The following TENM4 variants were observed in gnomAD, a reference collection of about 807,000 sequenced individuals.
TENM4 encodes teneurin transmembrane protein 4.
TENM4 carries 82 observed loss-of-function variants against 243.3 expected under a neutral mutation model. The ratio of observed to expected loss-of-function variants is 0.34; its 90% CI spans 0.28 to 0.40. The LOEUF (loss-of-function observed/expected upper bound fraction) is 0.40. Among genes scored for constraint, TENM4 ranks in the 10% least tolerant of loss-of-function variants. The probability of loss-of-function intolerance (pLI) is 1.00; values close to 1 mark genes in which losing one functional copy is unlikely to be tolerated. For missense variants in TENM4, 3,138 were observed against 3,673.3 expected (o/e 0.85, Z 3.77); for synonymous variants, 1,412 against 1,456.3 (o/e 0.97, Z 0.69).
intron 6 of TENM4, among the ~76,000 whole-genome samples, chr11:78,904,377 T>TAAAAAAAAAAAAAAAAAAAAAAA (rs1333665292): frequency 8.0e-5 from 8 of 100,178 alleles, no homozygotes; most frequent in African/African-American, 4.1e-4. Context: ...AAAAAAAAAG[T>TAAAAAAAAAAAAAAAAAAAAAAA]AAAACATAGA....
intron 33 of TENM4, 150 bp from the exon 34 acceptor site, chr11:78,658,966 G>A: frequency 1.1e-6 from 1 of 888,948 alleles, no homozygotes; most frequent in Non-Finnish European, 1.7e-6. Context: ...GAACATCCAG[G>A]TGGTCGCCAG....
At chr11:78,797,873 T>C (rs545061410) in intron 15 of TENM4, among the ~76,000 whole-genome samples, 2 of 152,316 alleles carry the variant, frequency 1.3e-5, no homozygotes, top group Admixed American at 6.5e-5. Context: ...TAACCTTGAG[T>C]TTCCCCTCCT....
At chr11:78,856,733 G>T (rs1858689673) in intron 10 of TENM4, among the ~76,000 whole-genome samples, 1 of 152,090 alleles carries the variant, frequency 6.6e-6, no homozygotes, top group South Asian at 2.1e-4. Flanking sequence ...GCTTAGGGCA[G>T]GGTTAGGGGC....
intron 9 of TENM4, among the ~76,000 whole-genome samples, chr11:78,863,925 T>C (rs1305371472): frequency 6.6e-6 from 1 of 152,214 alleles, no homozygotes; most frequent in East Asian, 1.9e-4. Context: ...TAGCAAAATA[T>C]TAGAAACCAG....
At chr11:79,264,962 C>T (rs1379966291) in intron 2 of TENM4, among the ~76,000 whole-genome samples, 1 of 152,210 alleles carries the variant, frequency 6.6e-6, no homozygotes, top group Non-Finnish European at 1.5e-5. Flanking sequence ...AGAGGGTCTG[C>T]AGGCAACCTA....
intron 4 of TENM4, chr11:79,098,109 A>T (rs1051846872): frequency 6.6e-6 from 1 of 152,190 alleles, no homozygotes; most frequent in African/African-American, 2.4e-5. Context: ...GATTATTCTC[A>T]ACTCACCAGA....
intron 2 of TENM4, among the ~76,000 whole-genome samples, chr11:79,219,623 T>C (rs1864120219): frequency 6.6e-6 from 1 of 152,200 alleles, no homozygotes; most frequent in East Asian, 1.9e-4. Flanking sequence ...AATCCCCTAG[T>C]GAGGAAGCAA....
In TENM4 at chr11:78,864,421, G is replaced by A. The variant is rs1447218134; in HGVS notation, c.1085-1289C>T. Among the ~76,000 whole-genome samples, 11 of 100,326 alleles carry A rather than the reference G, an allele frequency of 1.1e-4. No individual in the cohort carries two copies. The Admixed American group carries it at 1.2e-3, about 11-fold the overall frequency. 65.8% of individuals were successfully genotyped at this position (100,326 alleles called of 152,430 possible). On this transcript the variant is annotated intron_variant, in intron 9 of 33. Transcript: ENST00000278550. ...TGCACTCCAGCCTGGGCGACAGAGC[G>A]AGACTCCGTCTCAAAAAAAAAAAAA...
chr11:79,377,462 T>C (rs916661722), intron 1 of TENM4, among the ~76,000 whole-genome samples: 1 of 152,196 alleles, frequency 6.6e-6, no homozygotes, highest in Non-Finnish European at 1.5e-5. Context: ...CAGCTAACCC[T>C]GAGCAAGTCC....
chr11:78,937,841 T>C (rs1004754707), intron 6 of TENM4, among the ~76,000 whole-genome samples: 2 of 152,230 alleles, frequency 1.3e-5, no homozygotes, highest in Non-Finnish European at 2.9e-5. Context: ...TCTGTTTCTG[T>C]TTTCCTTTTC....
chr11:79,440,044 G>A lies in TENM4; in HGVS notation c.-321+465C>T, dbSNP rs1011283918. ...GGCTGCTGCAGCCGGCACTTGCCCCGCAGGGCAGGCTGCAGCCGCTGAAGC... is the reference window on the plus strand; with the variant it reads ...GGCTGCTGCAGCCGGCACTTGCCCCACAGGGCAGGCTGCAGCCGCTGAAGC... On this transcript the variant is annotated intron_variant, in intron 1 of 33. Coordinates refer to ENST00000278550, the MANE Select transcript of TENM4 (RefSeq NM_001098816.3). This position sits in a 1 kb window ranked among gnomAD's most constrained non-coding sequence, Gnocchi z 4.7. Among the ~76,000 whole-genome samples the A allele has an allele frequency of 4.6e-5, 7 of 152,086 alleles. No individual in the cohort carries two copies. Among genetic ancestry groups the A allele is most frequent in the Non-Finnish European group, 8.8e-5 (6 of 67,992 alleles).
intron 6 of TENM4, among the ~76,000 whole-genome samples, chr11:78,988,309 C>A (rs1455416128): frequency 6.6e-6 from 1 of 152,194 alleles, no homozygotes; most frequent in Non-Finnish European, 1.5e-5. Context: ...AATGGTCCAG[C>A]CCTGGTCAGG....
intron 6 of TENM4, among the ~76,000 whole-genome samples, chr11:79,017,569 G>A (rs1247384550): frequency 6.6e-6 from 1 of 152,148 alleles, no homozygotes; most frequent in Non-Finnish European, 1.5e-5. Flanking sequence ...AAGGGGATAA[G>A]GGATGTTGGG....
At chr11:79,125,816 C>A (rs1861863653) in intron 4 of TENM4, among the ~76,000 whole-genome samples, 1 of 152,158 alleles carries the variant, frequency 6.6e-6, no homozygotes, top group South Asian at 2.1e-4. Flanking sequence ...CCACCCCCAA[C>A]ACCCCTGTTT....
At chr11:78,764,716 T>A (rs1406507040) in intron 18 of TENM4, among the ~76,000 whole-genome samples, 1 of 152,106 alleles carries the variant, frequency 6.6e-6, no homozygotes, top group Non-Finnish European at 1.5e-5. Context: ...AGGACCTGTG[T>A]TAGGCACTGG....
chr11:79,026,457 A>G (rs1052663242), intron 6 of TENM4, among the ~76,000 whole-genome samples: 5 of 152,178 alleles, frequency 3.3e-5, no homozygotes, highest in Non-Finnish European at 4.4e-5. Flanking sequence ...AGTGCATAGG[A>G]CTATTTTCTA....
chr11:78,817,738 G>T (rs1464853575), intron 12 of TENM4, among the ~76,000 whole-genome samples: 2 of 152,252 alleles, frequency 1.3e-5, no homozygotes, highest in Non-Finnish European at 2.9e-5. Context: ...TGAGGAAGGA[G>T]TATAGAACAG....
intron 28 of TENM4, among the ~76,000 whole-genome samples, chr11:78,692,098 A>T (rs769461060): frequency 7.9e-5 from 12 of 152,184 alleles, no homozygotes; most frequent in Non-Finnish European, 1.5e-4. Context: ...CTGGGCTCCA[A>T]GTGGCTGCCT....
At chr11:79,002,823 A>C (rs1316539173) in intron 6 of TENM4, among the ~76,000 whole-genome samples, 4 of 152,198 alleles carry the variant, frequency 2.6e-5, no homozygotes, top group Non-Finnish European at 5.9e-5. Flanking sequence ...AACTAAAGAA[A>C]CAGAATTCAC....
Sources: allele counts gnomAD v4.1 joint callset (sites outside exome capture counted in the v4.1 genomes callset), GRCh38; gene constraint gnomAD v4.1.1; non-coding constraint Gnocchi (gnomAD v3.1); transcripts MANE v1.5; gene names NCBI Gene and HGNC (gene_info 2026-07-23, HGNC 2026-07-21).